GRM1: variants seen among roughly 807,000 people sequenced by gnomAD.
The protein encoded by GRM1 is metabotropic glutamate receptor 1.
In GRM1, 33 loss-of-function variants were observed where a neutral mutation model predicts 90.9. The ratio of observed to expected loss-of-function variants is 0.36; its 90% CI spans 0.28 to 0.49. The LOEUF (loss-of-function observed/expected upper bound fraction) is 0.49, where lower values mean the gene tolerates loss of function less well. Among genes scored for constraint, GRM1 ranks in the 20% least tolerant of loss-of-function variants. GRM1 has a pLI of 0.99. For synonymous variants in GRM1, 700 were observed against 613.2 expected, an observed-to-expected ratio of 1.14 and a Z score of -2.09; for missense variants, 1,190 against 1,534.3, an observed-to-expected ratio of 0.78 and a Z score of 3.75.
intron 1 of GRM1, among the ~76,000 whole-genome samples, chr6:146,073,067 A>G (rs1776068341): frequency 6.6e-6 from 1 of 151,918 alleles, no homozygotes; most frequent in South Asian, 2.1e-4. Context: ...TTGGGGGGAG[A>G]TGATGATGAT....
At chr6:146,069,409 A>G (rs1411098252) in intron 1 of GRM1, among the ~76,000 whole-genome samples, 1 of 152,196 alleles carries the variant, frequency 6.6e-6, no homozygotes, top group Admixed American at 6.5e-5. Flanking sequence ...AAATATTTTA[A>G]AAACTTATGA....
chr6:146,038,719 T>G (rs2128839648), intron 1 of GRM1, among the ~76,000 whole-genome samples: 1 of 150,522 alleles, frequency 6.6e-6, no homozygotes, highest in East Asian at 1.9e-4. Flanking sequence ...GGACAGCATA[T>G]TCCACAGCTA....
At chr6:146,081,355 G>A (rs1412910870) in intron 1 of GRM1, among the ~76,000 whole-genome samples, 1 of 152,180 alleles carries the variant, frequency 6.6e-6, no homozygotes, top group Non-Finnish European at 1.5e-5. Flanking sequence ...AGAGCAGACT[G>A]GGTCATGTTT....
chr6:146,139,871 T>TTTTCC (rs1776771889), intron 1 of GRM1, among the ~76,000 whole-genome samples: 1 of 146,718 alleles, frequency 6.8e-6, no homozygotes, highest in African/African-American at 2.6e-5. Flanking sequence ...CTGGTTGCTT[T>TTTTCC]GTTCCCTTCC....
chr6:146,150,528 G>A (rs1169722603), intron 1 of GRM1, among the ~76,000 whole-genome samples: 11 of 152,040 alleles, frequency 7.2e-5, no homozygotes, highest in African/African-American at 9.7e-5. Context: ...TGGGATATTC[G>A]TCACTTCAAC....
chr6:146,376,754 C>G (rs1471104709), intron 5 of GRM1, among the ~76,000 whole-genome samples: 2 of 152,036 alleles, frequency 1.3e-5, no homozygotes, highest in Non-Finnish European at 2.9e-5. Flanking sequence ...TTGAGGTAGT[C>G]TTCTTTGGGT....
In GRM1 at chr6:146,399,758, T is replaced by A. The variant is rs2114586063; in HGVS notation, c.2660+59T>A. 4 of 1,087,702 alleles carry A rather than the reference T, an allele frequency of 3.7e-6. No homozygotes were observed. In the East Asian group the frequency reaches 1.0e-4, roughly 28 times the overall value. 67.4% of individuals were successfully genotyped at this position (1,087,702 alleles called of 1,614,324 possible). On this transcript the variant is annotated intron_variant, in intron 7 of 7. Coordinates refer to ENST00000282753, the MANE Select transcript of GRM1 (RefSeq NM_001278064.2). The surrounding 1 kb of genome is among the most constrained non-coding windows in gnomAD (Gnocchi z 5.4). ...CTTCCTTTCTCTGTCTCTTTCTCTC[T>A]CTCTCTCTCTCTCTCTTTCTCTGTC...
chr6:146,299,209 G>A (rs943998039), intron 2 of GRM1, among the ~76,000 whole-genome samples: 1 of 151,924 alleles, frequency 6.6e-6, no homozygotes, highest in Non-Finnish European at 1.5e-5. Context: ...TTCCTATTAC[G>A]TGACTCTTTA....
At position 146,398,884 on chromosome 6, in the gene GRM1, A is replaced by T. The variant is rs1777061309; in HGVS notation, c.1845A>T (p.Val615=). The T allele has an allele frequency of 4.3e-6, 7 of 1,613,682 alleles. No homozygotes were observed. Among genetic ancestry groups the T allele is most frequent in the Non-Finnish European group, 5.9e-6 (7 of 1,179,836 alleles). ...CCTTGTTTGTCACCCTAATCTTTGT[A>T]CTGTACCGGGACACACCAGTGGTCA... ...LVTLFVTLIF[V]LYRDTPVVKS... The change falls in exon 7 of 8, where the codon GTA becomes GTT. Residue 615 remains valine (V), a synonymous_variant. Transcript: ENST00000282753.
At chr6:146,275,198 C>T (rs1054731383) in intron 2 of GRM1, among the ~76,000 whole-genome samples, 1 of 152,060 alleles carries the variant, frequency 6.6e-6, no homozygotes, top group Non-Finnish European at 1.5e-5. Context: ...CAAAACAAAA[C>T]AAAACATGTA....
chr6:146,142,848 G>A (rs1776937379), intron 1 of GRM1, among the ~76,000 whole-genome samples: 1 of 152,130 alleles, frequency 6.6e-6, no homozygotes. Context: ...ACCAAGGCCT[G>A]GAATCGGTAA....
intron 2 of GRM1, among the ~76,000 whole-genome samples, chr6:146,225,666 C>T (rs948603882): frequency 2.6e-5 from 4 of 152,018 alleles, no homozygotes; most frequent in Non-Finnish European, 4.4e-5. Context: ...AATAAATTAA[C>T]ACCAAATTTA....
At chr6:146,091,611 C>A (rs1776718992) in intron 1 of GRM1, among the ~76,000 whole-genome samples, 1 of 152,026 alleles carries the variant, frequency 6.6e-6, no homozygotes. Flanking sequence ...ATGGGGGAAA[C>A]TGGCTGGAGC....
At chr6:146,392,441 G>A (rs1776761232) in intron 6 of GRM1, among the ~76,000 whole-genome samples, 1 of 152,158 alleles carries the variant, frequency 6.6e-6, no homozygotes, top group South Asian at 2.1e-4. Flanking sequence ...TCTTCTACAA[G>A]TCTTCTGAAT....
At chr6:146,119,448 G>T (rs554882672) in intron 1 of GRM1, among the ~76,000 whole-genome samples, 1 of 152,274 alleles carries the variant, frequency 6.6e-6, no homozygotes, top group African/African-American at 2.4e-5. Context: ...ATTTTAATTA[G>T]ATCCCATTTG....
intron 3 of GRM1, among the ~76,000 whole-genome samples, chr6:146,317,756 T>A (rs1784027209): frequency 6.6e-6 from 1 of 152,222 alleles, no homozygotes; most frequent in African/African-American, 2.4e-5. Context: ...ATAGCCAATG[T>A]GAACTTAGTT....
intron 7 of GRM1, among the ~76,000 whole-genome samples, chr6:146,430,481 A>G (rs1223761256): frequency 6.6e-6 from 1 of 152,198 alleles, no homozygotes; most frequent in Admixed American, 6.5e-5. Flanking sequence ...GTGCTTTGTA[A>G]CAATTATGTG....
intron 3 of GRM1, among the ~76,000 whole-genome samples, chr6:146,310,061 T>C (rs1020367815): frequency 1.3e-5 from 2 of 152,172 alleles, no homozygotes; most frequent in Admixed American, 1.3e-4. Context: ...TATATTACAT[T>C]TGGCTATTTT....
chr6:146,186,537 T>G (rs562641816), intron 2 of GRM1, among the ~76,000 whole-genome samples: 83 of 152,308 alleles, frequency 5.4e-4, no homozygotes, highest in African/African-American at 1.9e-3. Flanking sequence ...TAGCCTCTTT[T>G]CTAAGAGTCC....
Sources: gnomAD v4.1 joint callset for allele counts (sites outside exome capture counted in the v4.1 genomes callset) on GRCh38, gnomAD v4.1.1 for gene constraint, Gnocchi (gnomAD v3.1) non-coding constraint, MANE v1.5 for transcripts, NCBI Gene and HGNC (gene_info 2026-07-23, HGNC 2026-07-21) for gene names.